RPS6KC1: variants seen among roughly 807,000 people sequenced by gnomAD.
RPS6KC1 encodes the protein ribosomal protein S6 kinase C1, also known as inactive ribosomal protein S6 kinase delta-1.
Under a neutral mutation model 103.8 loss-of-function variants are expected in RPS6KC1, and 54 were observed. That is an observed-to-expected ratio of 0.52 (90% confidence interval 0.42 to 0.65). The LOEUF (loss-of-function observed/expected upper bound fraction) is 0.65, where lower values mean the gene tolerates loss of function less well. RPS6KC1 is among the 30% of genes least tolerant of loss of function. RPS6KC1 has a pLI of 0.00. For synonymous variants in RPS6KC1, 439 were observed against 438.7 expected, an observed-to-expected ratio of 1.00 and a Z score of -0.01; for missense variants, 1,151 against 1,253.8, an observed-to-expected ratio of 0.92 and a Z score of 1.24.
chr1:213,267,201 G>C (rs2094932047), intron 14 of RPS6KC1, among the ~76,000 whole-genome samples: 1 of 151,712 alleles, frequency 6.6e-6, no homozygotes. Context: ...AAGCTTGAAG[G>C]GCTGAGATAT....
chr1:213,725,094 C>A, the RPS6KC1 span, among the ~76,000 whole-genome samples: 4 of 152,206 alleles, frequency 2.6e-5, no homozygotes, highest in Non-Finnish European at 4.4e-5. Context: ...GCCAGCTTAA[C>A]GTCTTACCAG....
chr1:213,714,733 T>C, the RPS6KC1 span, among the ~76,000 whole-genome samples: 2 of 152,256 alleles, frequency 1.3e-5, no homozygotes, highest in Non-Finnish European at 2.9e-5. Flanking sequence ...TCTAGGCTCT[T>C]CTAGGCAGAT....
rs547514806 is a variant in RPS6KC1, at chr1:213,122,841, A to T, written c.472+5431A>T. Among the ~76,000 whole-genome samples, 5 of 152,258 alleles carry T rather than the reference A, an allele frequency of 3.3e-5. No homozygotes were observed. In the South Asian group the frequency reaches 1.0e-3, roughly 32 times the overall value. On this transcript the variant is annotated intron_variant, in intron 5 of 14. Coordinates refer to ENST00000366960, the MANE Select transcript of RPS6KC1 (RefSeq NM_012424.6). Reference sequence around the variant, plus strand: ...GAATTTTCCTTGGTAGTGGAGCTTGACAAAAACAACAGGTCATTTTTTCCC... The same window carrying T: ...GAATTTTCCTTGGTAGTGGAGCTTGTCAAAAACAACAGGTCATTTTTTCCC...
At chr1:213,477,923 G>A in the RPS6KC1 span, among the ~76,000 whole-genome samples, 1 of 151,992 alleles carries the variant, frequency 6.6e-6, no homozygotes, top group Non-Finnish European at 1.5e-5. Flanking sequence ...CACTCTTGGT[G>A]GTGTATATTC....
At chr1:213,322,712 G>A in the RPS6KC1 span, among the ~76,000 whole-genome samples, 1 of 151,710 alleles carries the variant, frequency 6.6e-6, no homozygotes, top group Non-Finnish European at 1.5e-5. Flanking sequence ...CTCAGCTCGT[G>A]GCTCCTTCCT....
At chr1:213,263,152 G>A (rs764544582) in intron 14 of RPS6KC1, among the ~76,000 whole-genome samples, 35 of 152,088 alleles carry the variant, frequency 2.3e-4, no homozygotes, top group Admixed American at 6.5e-4. Flanking sequence ...TTTTGTAACC[G>A]TATATGAATG....
At chr1:213,087,326 T>C (rs1173870573) in intron 3 of RPS6KC1, among the ~76,000 whole-genome samples, 1 of 152,248 alleles carries the variant, frequency 6.6e-6, no homozygotes, top group African/African-American at 2.4e-5. Flanking sequence ...CAGAGTATGT[T>C]CTGATAGCTA....
At chr1:213,230,772 T>C (rs888536855) in intron 9 of RPS6KC1, among the ~76,000 whole-genome samples, 4 of 148,816 alleles carry the variant, frequency 2.7e-5, no homozygotes, top group African/African-American at 1.0e-4. Flanking sequence ...GAGGCAGAGA[T>C]TGCAGTGAAC....
rs1467780401 is a variant in RPS6KC1 at position 213,149,958 on chromosome 1, T to G, written c.836-17900T>G. Among the ~76,000 whole-genome samples, 3 of 152,238 alleles carry G rather than the reference T, an allele frequency of 2.0e-5. No homozygotes were observed. The East Asian group carries it at 5.8e-4, about 29-fold the overall frequency. On this transcript the variant is annotated intron_variant, in intron 6 of 14. Coordinates refer to ENST00000366960, the MANE Select transcript of RPS6KC1 (RefSeq NM_012424.6). Reference sequence around the variant, plus strand: ...AAATCTATTTTGTCTGATACAAATATATCAGAAAAAATATTTTTTAGTTTC... The same window carrying G: ...AAATCTATTTTGTCTGATACAAATAGATCAGAAAAAATATTTTTTAGTTTC...
rs1235280521 is a variant in RPS6KC1, at chr1:213,251,102, CTTTTTTTTTTT to C, written c.2911+8456_2911+8466del. On this transcript the variant is annotated intron_variant, in intron 12 of 14. Transcript: ENST00000366960. ...TTCTTTATTCGCCCAGGTTTTTCAG[CTTTTTTTTTTT>C]TTTTTTTTTTTGAGACAGAGTCTTG... 3.0e-5 allele frequency among the ~76,000 whole-genome samples: 3 copies of C among 100,210 alleles called. No individual in the cohort carries two copies. The Admixed American group carries it at 3.8e-4, about 13-fold the overall frequency. The allele number at this position is 100,210 out of a possible 152,430, so 65.7% of individuals were successfully genotyped here.
chr1:213,695,438 G>A, the RPS6KC1 span, among the ~76,000 whole-genome samples: 4 of 152,330 alleles, frequency 2.6e-5, no homozygotes, highest in Admixed American at 2.0e-4. Context: ...TGAGGGCCAG[G>A]CACAAAACTG....
chr1:213,392,120 C>G, the RPS6KC1 span, among the ~76,000 whole-genome samples: 9 of 152,098 alleles, frequency 5.9e-5, no homozygotes, highest in Non-Finnish European at 1.5e-5. Context: ...GCACAGCCCC[C>G]AGTACAGAAA....
the RPS6KC1 span, among the ~76,000 whole-genome samples, chr1:213,720,309 G>A: frequency 2.0e-5 from 3 of 152,316 alleles, no homozygotes; most frequent in African/African-American, 7.2e-5. Flanking sequence ...TAGAATTGAC[G>A]CACTCAACAG....
intron 2 of RPS6KC1, among the ~76,000 whole-genome samples, chr1:213,074,004 G>A (rs575484150): frequency 1.3e-5 from 2 of 152,224 alleles, no homozygotes; most frequent in East Asian, 1.9e-4. Context: ...GAAATATATC[G>A]GGAAAGGAAA....
At chr1:213,844,349 C>CT in the RPS6KC1 span, among the ~76,000 whole-genome samples, 1 of 152,070 alleles carries the variant, frequency 6.6e-6, no homozygotes, top group African/African-American at 2.4e-5. Flanking sequence ...TGAGGCTTTT[C>CT]TTTTTTGCAC....
intron 14 of RPS6KC1, among the ~76,000 whole-genome samples, chr1:213,268,608 A>G (rs1223393604): frequency 6.7e-6 from 1 of 148,590 alleles, no homozygotes; most frequent in Non-Finnish European, 1.5e-5. Context: ...TTTATTTAAA[A>G]GACATAAAAT....
chr1:213,339,870 C>T, the RPS6KC1 span, among the ~76,000 whole-genome samples: 3 of 151,836 alleles, frequency 2.0e-5, no homozygotes, highest in Admixed American at 6.6e-5. Context: ...AAGTTGAGAG[C>T]TGAGGGCCTC....
chr1:213,438,757 T>G, the RPS6KC1 span, among the ~76,000 whole-genome samples: 1 of 152,004 alleles, frequency 6.6e-6, no homozygotes, highest in African/African-American at 2.4e-5. Context: ...TGGTCTTATT[T>G]CTTTGAGGCT....
the RPS6KC1 span, among the ~76,000 whole-genome samples, chr1:213,303,264 G>A: frequency 1.3e-5 from 2 of 152,180 alleles, no homozygotes; most frequent in African/African-American, 4.8e-5. Flanking sequence ...AGATGTCCTT[G>A]CTTTGTGCCT....
Sources: gnomAD v4.1 joint callset for allele counts (sites outside exome capture counted in the v4.1 genomes callset) on GRCh38, gnomAD v4.1.1 for gene constraint, MANE v1.5 for transcripts, NCBI Gene and HGNC (gene_info 2026-07-23, HGNC 2026-07-21) for gene names.